Variants in TBC1D5 observed in about 807,000 individuals in gnomAD.
TBC1D5 encodes TBC1 domain family member 5.
A neutral mutation model predicts 100.3 loss-of-function variants in TBC1D5; 75 were observed. The observed-to-expected ratio is 0.75, with a 90% CI of 0.62 to 0.91. The LOEUF is 0.91. Ranked by LOEUF, TBC1D5 falls within the 40% of genes least tolerant of loss-of-function variation. TBC1D5 has a pLI of 0.00. For synonymous variants in TBC1D5, 323 were observed against 325.6 expected (o/e 0.99, Z 0.09); for missense variants, 910 against 942.4 (o/e 0.97, Z 0.45).
chr3:17,339,470 C>G (rs1224744721), intron 13 of TBC1D5, among the ~76,000 whole-genome samples: 2 of 152,106 alleles, frequency 1.3e-5, no homozygotes, highest in Non-Finnish European at 2.9e-5. Context: ...ATCTGATGAC[C>G]CATCAAGCTA....
chr3:17,413,188 G>T (rs1221477267), intron 4 of TBC1D5, among the ~76,000 whole-genome samples: 1 of 152,178 alleles, frequency 6.6e-6, no homozygotes, highest in Non-Finnish European at 1.5e-5. Context: ...TCTAAGCAGG[G>T]AAAGGTGAAG....
chr3:17,187,747 T>C (rs1363786717), intron 18 of TBC1D5, among the ~76,000 whole-genome samples: 4 of 152,196 alleles, frequency 2.6e-5, no homozygotes, highest in East Asian at 1.9e-4. Context: ...CAGAGTTTGA[T>C]AGTCTTGTAA....
intron 3 of TBC1D5, among the ~76,000 whole-genome samples, chr3:17,494,753 T>G (rs957378867): frequency 6.6e-6 from 1 of 152,120 alleles, no homozygotes; most frequent in Non-Finnish European, 1.5e-5. Flanking sequence ...GGAAAACCGC[T>G]GACTGGAGCT....
chr3:17,618,462 C>T (rs939893167), intron 2 of TBC1D5, among the ~76,000 whole-genome samples: 2 of 152,240 alleles, frequency 1.3e-5, no homozygotes, highest in Non-Finnish European at 2.9e-5. Context: ...TTTAAGTCTA[C>T]AGAAGTTTCT....
intron 18 of TBC1D5, among the ~76,000 whole-genome samples, chr3:17,211,214 T>C (rs1225613406): frequency 6.6e-6 from 1 of 152,202 alleles, no homozygotes; most frequent in Admixed American, 6.5e-5. Flanking sequence ...TGGGATCCAC[T>C]AAGAAGTAAC....
chr3:17,504,782 A>G (rs2095826844), intron 3 of TBC1D5, among the ~76,000 whole-genome samples: 1 of 152,220 alleles, frequency 6.6e-6, no homozygotes, highest in South Asian at 2.1e-4. Flanking sequence ...AGATATCTAG[A>G]TATCTTCAGC....
intron 3 of TBC1D5, among the ~76,000 whole-genome samples, chr3:17,487,959 A>G (rs1179864935): frequency 1.3e-5 from 2 of 152,348 alleles, no homozygotes; most frequent in East Asian, 3.9e-4. Flanking sequence ...CATCTGTTAC[A>G]TGAATGTGCC....
At chr3:17,302,382 C>A (rs77101387) in intron 14 of TBC1D5, among the ~76,000 whole-genome samples, 1 of 152,098 alleles carries the variant, frequency 6.6e-6, no homozygotes, top group African/African-American at 2.4e-5. Flanking sequence ...TTAGTATGAC[C>A]TCATCTTAAC....
intron 15 of TBC1D5, among the ~76,000 whole-genome samples, chr3:17,276,827 G>A (rs1197332430): frequency 6.6e-6 from 1 of 152,194 alleles, no homozygotes; most frequent in Non-Finnish European, 1.5e-5. Context: ...CCAATGGTAT[G>A]TGAATGAAAG....
intron 13 of TBC1D5, among the ~76,000 whole-genome samples, chr3:17,318,233 G>T: frequency 8.3e-6 from 1 of 120,266 alleles, no homozygotes; most frequent in Non-Finnish European, 1.7e-5. Context: ...GTTGTGGGGT[G>T]GGGGGAGGGG....
At chr3:17,174,257 C>A (rs2067469537) in intron 19 of TBC1D5, among the ~76,000 whole-genome samples, 1 of 152,164 alleles carries the variant, frequency 6.6e-6, no homozygotes, top group South Asian at 2.1e-4. Flanking sequence ...TTTCCTGAAA[C>A]TGCACTGTTC....
intron 4 of TBC1D5, among the ~76,000 whole-genome samples, chr3:17,425,939 C>T (rs1487852819): frequency 6.6e-6 from 1 of 151,998 alleles, no homozygotes; most frequent in Non-Finnish European, 1.5e-5. Context: ...GGGAAGGAAA[C>T]AAGTTAGGCA....
intron 2 of TBC1D5, among the ~76,000 whole-genome samples, chr3:17,552,192 GA>G (rs879651819): frequency 7.9e-4 from 110 of 138,664 alleles, no homozygotes; most frequent in African/African-American, 1.7e-3. Flanking sequence ...TCTTAAGAGA[GA>G]AAAAAAAAAA....
intron 2 of TBC1D5, among the ~76,000 whole-genome samples, chr3:17,555,984 T>C (rs904774011): frequency 1.3e-5 from 2 of 152,146 alleles, no homozygotes; most frequent in Admixed American, 1.3e-4. Flanking sequence ...ATTTTATTTT[T>C]GGTTTACATC....
intron 2 of TBC1D5, among the ~76,000 whole-genome samples, chr3:17,579,030 T>C (rs2096675072): frequency 6.6e-6 from 1 of 152,056 alleles, no homozygotes; most frequent in African/African-American, 2.4e-5. Flanking sequence ...TAAGTAATTC[T>C]TAAGTTGAGG....
Position 17,706,273 on chromosome 3 carries a change from T to G in TBC1D5, c.-101+33070A>C. ...TTGTACTTCTTCACATACTCAGCTC[T>G]AAAGAGTTGAACTAGAGGGTCTCAC... On this transcript the variant is annotated intron_variant, in intron 1 of 21. Transcript: ENST00000253692. 5 of 1,546,776 alleles carry G rather than the reference T, an allele frequency of 3.2e-6. No homozygotes were observed. The South Asian group carries it at 4.8e-5, about 15-fold the overall frequency.
intron 1 of TBC1D5, among the ~76,000 whole-genome samples, chr3:17,697,995 C>T (rs2072422967): frequency 6.6e-6 from 1 of 151,784 alleles, no homozygotes; most frequent in South Asian, 2.1e-4. Flanking sequence ...TCAATGCCAT[C>T]CCCATCAAGC....
At chr3:17,277,409 G>T (rs1253701427) in intron 15 of TBC1D5, among the ~76,000 whole-genome samples, 1 of 152,040 alleles carries the variant, frequency 6.6e-6, no homozygotes, top group Non-Finnish European at 1.5e-5. Context: ...CAAGAAAAAA[G>T]TCAAAGGTCA....
intron 1 of TBC1D5, among the ~76,000 whole-genome samples, chr3:17,696,012 C>G (rs897694060): frequency 6.6e-5 from 10 of 152,024 alleles, no homozygotes; most frequent in African/African-American, 2.4e-4. Context: ...GGGTAAATAT[C>G]GAAATGAAGG....
Sources: gnomAD v4.1 joint callset for allele counts (sites outside exome capture counted in the v4.1 genomes callset) on GRCh38, gnomAD v4.1.1 for gene constraint, MANE v1.5 for transcripts, NCBI Gene and HGNC (gene_info 2026-07-23, HGNC 2026-07-21) for gene names.